Variants in ASPM observed in about 807,000 individuals in gnomAD.
ASPM encodes the protein assembly factor for spindle microtubules.
In ASPM, 256 loss-of-function variants were observed where a neutral mutation model predicts 366.4. The observed-to-expected ratio is 0.70, with a 90% CI of 0.63 to 0.77. The LOEUF is 0.77. ASPM is among the 30% of genes least tolerant of loss of function. The pLI, the probability that ASPM is intolerant of heterozygous loss-of-function variation, is 0.00. For synonymous variants in ASPM, 1,414 were observed against 1,342.9 expected (o/e 1.05, Z -1.16); for missense variants, 4,146 against 4,090.4 (o/e 1.01, Z -0.37).
rs1205560889 is a variant in ASPM at position 197,100,865 on chromosome 1, C to G, written c.8386G>C (p.Glu2796Gln). The stretch of plus-strand genomic sequence containing the variant: ...GCAAGGCCAGAAGCTTTATACCACT[C>G]TTGAATCATAACACCTTCACTTTGA... The part of the protein sequence containing the change: ...AVQSEGVMIQ[E>Q]WYKASGLACS... Residue 2796 changes from glutamate (E) to glutamine (Q), a missense_variant, in exon 18 of 28, where the codon GAG becomes CAG. Glu to Gln is a conservative substitution (Grantham distance 29). This residue lies in a region of ASPM where 3,624 missense variants were observed against 3,591.7 expected (regional missense o/e 1.01). Transcript: ENST00000367409. The G allele has an allele frequency of 6.2e-7, 1 of 1,612,540 alleles. No homozygotes were observed. Among genetic ancestry groups the G allele is most frequent in the African/African-American group, 1.3e-5 (1 of 74,784 alleles).
intron 22 of ASPM, 78 bp from the exon 23 acceptor site, chr1:197,091,119 A>G (rs1380628828): frequency 4.2e-6 from 5 of 1,181,628 alleles, no homozygotes; most frequent in Admixed American, 2.0e-5. Context: ...ACATTTATAC[A>G]TAAATGAAAG....
In ASPM at chr1:197,143,239, A is replaced by G. The variant is rs1658657126; in HGVS notation, c.1013T>C (p.Leu338Pro). The G allele has an allele frequency of 1.9e-6, 3 of 1,613,088 alleles. No homozygotes were observed. Among genetic ancestry groups the G allele is most frequent in the East Asian group, 4.5e-5 (2 of 44,852 alleles). The change falls in exon 3 of 28, where the codon CTT becomes CCT. Residue 338 changes from leucine (L) to proline (P), a missense_variant. This residue lies in a region of ASPM where 512 missense variants were observed against 471.7 expected (regional missense o/e 1.09). Transcript: ENST00000367409. ...ATCTTTCATAAACATATCTGATGAA[A>G]GACATGTTACTAATTCTAGTTCATT... is the stretch of plus-strand genomic sequence containing the variant. ...ANNELELVTC[L>P]SSDMFMKDNS... is the part of the protein sequence containing the mutation.
rs764134423 is a variant in ASPM, at chr1:197,084,405, C to T, written c.10353G>A (p.Leu3451=). The T allele has an allele frequency of 1.1e-5, 17 of 1,602,850 alleles. No homozygotes were observed. The East Asian group carries it at 3.4e-4, about 32-fold the overall frequency. Residue 3451 remains leucine, a synonymous_variant, in exon 28 of 28, where the codon TTG becomes TTA. Transcript: ENST00000367409. The part of the protein sequence containing the change: ...IVSRLKPDWV[L]RRDNMEEITN... ...TGATTTCTTCCATGTTATCTCTTCT[C>T]AAAACCCAATCTGGCTTAAGTCTGT...
At position 197,132,327 on chromosome 1, in the gene ASPM, C is replaced by A. The variant is rs1359018276; in HGVS notation, c.2445G>T (p.Trp815Cys). The change falls in exon 7 of 28, where the codon TGG (tryptophan) becomes TGT (cysteine). Residue 815 changes from tryptophan to cysteine, a missense_variant. This residue lies in a region of ASPM where 3,624 missense variants were observed against 3,591.7 expected (regional missense o/e 1.01). Transcript: ENST00000367409. ...DVGERQKVLN[W>C]LLSYNPLWLR... ...GCCACAAAGGATTGTAGGACAACAG[C>A]CAATTCAGGACTTTCTGACGTTCTC... is the stretch of plus-strand genomic sequence containing the variant. The A allele has an allele frequency of 6.2e-7, 1 of 1,613,226 alleles. No homozygotes were observed. The highest frequency in any genetic ancestry group is 2.2e-5 in the East Asian group (1 of 44,760).
chr1:197,096,591 T>C (rs1418889483), intron 18 of ASPM, among the ~76,000 whole-genome samples: 1 of 151,768 alleles, frequency 6.6e-6, no homozygotes, highest in Non-Finnish European at 1.5e-5. Flanking sequence ...TTGGGTTCTG[T>C]GTTCAGCCTG....
rs994448026 is a variant in ASPM at position 197,105,029 on chromosome 1, A to G, written c.4222T>C (p.Leu1408=). 1.2e-6 allele frequency: 2 copies of G among 1,610,592 alleles called. No homozygotes were observed. Among genetic ancestry groups the G allele is most frequent in the African/African-American group, 2.7e-5 (2 of 74,750 alleles). Residue 1408 remains leucine (L), a synonymous_variant, in exon 18 of 28, where the codon TTA becomes CTA. Transcript: ENST00000367409. ...CTTTGTTGATCTTGTTTTCTTCTTAAATAAGCACGCCAATGCCTCTGAATT... is the reference window on the plus strand; with the variant it reads ...CTTTGTTGATCTTGTTTTCTTCTTAGATAAGCACGCCAATGCCTCTGAATT... ...VTIQRHWRAY[L]RRKQDQQRYE... is the part of the protein sequence containing the mutation.
At chr1:197,128,359 C>T in intron 10 of ASPM, 131 bp downstream of exon 10, 1 of 526,140 alleles carries the variant, frequency 1.9e-6, no homozygotes, top group South Asian at 2.6e-5. Context: ...AAAAAAAAAA[C>T]CTCAATTTTT....
chr1:197,090,771 A>C, intron 23 of ASPM, 79 bp downstream of exon 23: 1 of 1,336,074 alleles, frequency 7.5e-7, no homozygotes, highest in Non-Finnish European at 1.1e-6. Context: ...AATGGTAACT[A>C]TGTTTTTATA....
intron 17 of ASPM, among the ~76,000 whole-genome samples, chr1:197,113,737 C>T (rs956963337): frequency 5.9e-5 from 9 of 151,990 alleles, no homozygotes; most frequent in Non-Finnish European, 1.3e-4. Flanking sequence ...CAAATAGAGG[C>T]CTAATAACAA....
At chr1:197,137,772 C>T (rs1020759928) in intron 4 of ASPM, among the ~76,000 whole-genome samples, 6 of 152,206 alleles carry the variant, frequency 3.9e-5, no homozygotes, top group Non-Finnish European at 5.9e-5. Flanking sequence ...TAAGCCACTG[C>T]ACCCAGCCTT....
intron 13 of ASPM, among the ~76,000 whole-genome samples, chr1:197,123,052 G>C (rs1657968962): frequency 6.6e-6 from 1 of 152,118 alleles, no homozygotes; most frequent in African/African-American, 2.4e-5. Flanking sequence ...TTGTTCACAG[G>C]TGTTTCTGAT....
At chr1:197,114,336 G>A (rs931627095) in intron 17 of ASPM, among the ~76,000 whole-genome samples, 1 of 152,150 alleles carries the variant, frequency 6.6e-6, no homozygotes, top group African/African-American at 2.4e-5. Flanking sequence ...GGTGGCTGCT[G>A]ACTGATCAGA....
intron 27 of ASPM, 88 bp downstream of exon 27, chr1:197,086,715 T>C (rs569446292): frequency 7.2e-5 from 83 of 1,160,210 alleles, no homozygotes; most frequent in Middle Eastern, 5.0e-4. Flanking sequence ...GAAAAGCACA[T>C]CTTGTTTATG....
In ASPM at chr1:197,122,508, C is replaced by A; in HGVS notation, c.3478G>T (p.Ala1160Ser). ...GTTTGAGTAGTACGCTGACATATAG[C>A]GTCAAATGGCACATAGCAAGGATGG... ...HYHPCYVPFD[A>S]ICQRTTQTVE... The change falls in exon 14 of 28, where the codon GCT becomes TCT. Residue 1160 changes from alanine (A) to serine (S), a missense_variant. By Grantham distance (99) the Ala-to-Ser change is moderately conservative. Transcript: ENST00000367409. 1 of 1,613,474 alleles carries A rather than the reference C, an allele frequency of 6.2e-7. No homozygotes were observed. Among genetic ancestry groups the A allele is most frequent in the African/African-American group, 1.3e-5 (1 of 74,990 alleles).
chr1:197,132,758 AAT>A (rs931295510), intron 6 of ASPM, among the ~76,000 whole-genome samples: 1 of 148,950 alleles, frequency 6.7e-6, no homozygotes, highest in South Asian at 2.1e-4. Context: ...ATATATGATA[AAT>A]ATATATATAT....
chr1:197,100,721 G>A lies in ASPM; in HGVS notation c.8530C>T (p.Gln2844Ter), dbSNP rs1452131224. The change falls in exon 18 of 28, where the codon CAG becomes TAG. Residue 2844 changes from glutamine to a stop codon, truncating the protein, a stop_gained. Transcript: ENST00000367409. LOFTEE classifies it high-confidence loss of function. Reference sequence around the variant, plus strand: ...TACACAGCCATCTGAAGGAAGAACTGAATCCGTAGGGCAGCACATTTCTGT... The same window carrying A: ...TACACAGCCATCTGAAGGAAGAACTAAATCCGTAGGGCAGCACATTTCTGT... ...ETQKCAALRI[Q>*]FFLQMAVYRR... 12 of 1,612,358 alleles carry A rather than the reference G, an allele frequency of 7.4e-6. No homozygotes were observed. The highest frequency in any genetic ancestry group is 1.0e-5 in the Non-Finnish European group (12 of 1,179,090).
chr1:197,084,371 G>C lies in ASPM; in HGVS notation c.10387C>G (p.Leu3463Val). The change falls in exon 28 of 28, where the codon CTG (leucine) becomes GTG (valine). Residue 3463 changes from leucine to valine, a missense_variant. This residue lies in a region of ASPM where 3,624 missense variants were observed against 3,591.7 expected (regional missense o/e 1.01). Coordinates refer to ENST00000367409, the MANE Select transcript of ASPM (RefSeq NM_018136.5). ...TCCATCACCATTTGAATAGCTTGCA[G>C]GGGATTTGTGATTTCTTCCATGTTA... ...RDNMEEITNP[L>V]QAIQMVMDTL... is the part of the protein sequence containing the mutation. 6.2e-7 allele frequency: 1 copy of C among 1,612,944 alleles called. No homozygotes were observed. Among genetic ancestry groups the C allele is most frequent in the East Asian group, 2.2e-5 (1 of 44,796 alleles).
Position 197,129,907 on chromosome 1 carries a change from ATACT to A in ASPM, c.2629+4_2629+7del, listed in dbSNP as rs1433248622. The A allele has an allele frequency of 1.2e-6, 2 of 1,611,514 alleles. No individual in the cohort carries two copies. Among genetic ancestry groups the A allele is most frequent in the Non-Finnish European group, 1.7e-6 (2 of 1,177,716 alleles). On this transcript the variant is annotated splice_donor_5th_base_variant and intron_variant, in intron 8 of 27. Transcript: ENST00000367409. ...TGGAGAGAATGTAGGAGAGGCAGAG[ATACT>A]TACCATCTCTATACAGGTGAGGAAC...
In ASPM at chr1:197,103,501, A is replaced by C; in HGVS notation, c.5750T>G (p.Phe1917Cys). 3 of 1,613,184 alleles carry C rather than the reference A, an allele frequency of 1.9e-6. No individual in the cohort carries two copies. The highest frequency in any genetic ancestry group is 2.5e-6 in the Non-Finnish European group (3 of 1,179,496). The change falls in exon 18 of 28, where the codon TTT (phenylalanine) becomes TGT (cysteine). Residue 1917 changes from phenylalanine (F) to cysteine (C), a missense_variant. Transcript: ENST00000367409. The part of the protein sequence containing the change: ...AFRMAKAQKQ[F>C]RLFKTAALVI... ...TAATGCTGCTGTTTTAAACAATCTA[A>C]ACTGTTTCTGGGCCTTGGCCATTCT...
Sources: gnomAD v4.1 joint callset for allele counts (sites outside exome capture counted in the v4.1 genomes callset) on GRCh38, gnomAD v4.1.1 for gene constraint, gnomAD v4.1.1 regional missense constraint, MANE v1.5 for transcripts, NCBI Gene and HGNC (gene_info 2026-07-23, HGNC 2026-07-21) for gene names.